The following GAB3 variants were observed in gnomAD, a reference collection of about 807,000 sequenced individuals.
GAB3 encodes the protein GRB2-associated-binding protein 3.
Under a neutral mutation model 40.4 loss-of-function variants are expected in GAB3, and 12 were observed. That is an observed-to-expected ratio of 0.30 (90% CI 0.19 to 0.48). GAB3 has a LOEUF of 0.48. Ranked by LOEUF, GAB3 falls within the 20% of genes least tolerant of loss-of-function variation. GAB3 has a pLI of 0.99. For synonymous variants in GAB3, 154 were observed against 176.7 expected, an observed-to-expected ratio of 0.87 and a Z score of 1.02; for missense variants, 381 against 461.9, an observed-to-expected ratio of 0.82 and a Z score of 1.61.
chrX:154,749,682 T>A (rs1367965714), intron 1 of GAB3, among the ~76,000 whole-genome samples: 12 of 112,347 alleles, frequency 1.1e-4, no homozygotes, highest in Non-Finnish European at 1.7e-4. Flanking sequence ...AACCTTCCTC[T>A]AAAGTTCTGT....
intron 1 of GAB3, 127 bp downstream of exon 1, chrX:154,750,827 C>T (rs139560046): frequency 7.4e-4 from 220 of 299,278 alleles, no homozygotes; most frequent in Non-Finnish European, 9.0e-4. Context: ...GTCGGCCTCG[C>T]CCGCAGTCCC....
intron 2 of GAB3, 148 bp downstream of exon 2, chrX:154,715,878 T>C (rs2071038230): frequency 1.3e-5 from 7 of 556,387 alleles, no homozygotes; most frequent in Admixed American, 3.1e-5. Flanking sequence ...ATTTCCAGTA[T>C]TGTATTTGGT....
At position 154,697,056 on chromosome X, in the gene GAB3, A is replaced by G. The variant is rs782142435; in HGVS notation, c.1427+76T>C. On this transcript the variant is annotated intron_variant, in intron 7 of 9. Coordinates refer to ENST00000424127, the MANE Select transcript of GAB3 (RefSeq NM_001081573.3). ...CTTAAGCTAGATCAGATGGGCTTCA[A>G]CTACATTTAATCAGAGGCCTAACAC... is the stretch of plus-strand genomic sequence containing the variant. 7.0e-6 allele frequency: 6 copies of G among 858,377 alleles called. No individual in the cohort carries two copies. The South Asian group carries it at 8.6e-5, about 12-fold the overall frequency. 70.7% of individuals were successfully genotyped at this position (858,377 alleles called of 1,213,427 possible).
At chrX:154,709,141 T>C (rs111465891) in intron 4 of GAB3, among the ~76,000 whole-genome samples, 39,384 of 109,005 alleles carry the variant, frequency 0.36, 5,310 homozygotes, top group South Asian at 0.57. Context: ...CACCTCCCCC[T>C]TCACTCTCTT....
intron 1 of GAB3, among the ~76,000 whole-genome samples, chrX:154,718,011 C>T (rs1357630488): frequency 2.7e-5 from 3 of 111,215 alleles, no homozygotes; most frequent in African/African-American, 9.8e-5. Context: ...CTCTCCCATG[C>T]GGTAGCATGT....
intron 1 of GAB3, among the ~76,000 whole-genome samples, chrX:154,727,574 C>T (rs1557259509): frequency 8.9e-6 from 1 of 112,341 alleles, no homozygotes; most frequent in East Asian, 2.8e-4. Flanking sequence ...TTCATGATAT[C>T]ATAGACCTAG....
chrX:154,706,759 T>A lies in GAB3; in HGVS notation c.1069+5470A>T, dbSNP rs782202144. ...AAGACCCTGCCTCTAAAAAAAAAAA[T>A]TTTTTTTCAAATTAGTCAAGTGTGG... On this transcript the variant is annotated intron_variant, in intron 4 of 9. Coordinates refer to ENST00000424127, the MANE Select transcript of GAB3 (RefSeq NM_001081573.3). Among the ~76,000 whole-genome samples, 181 of 101,596 alleles carry A rather than the reference T, an allele frequency of 1.8e-3. 1 individual carries two copies. The highest frequency in any genetic ancestry group is 6.3e-3 in the African/African-American group (154 of 24,327). 88.2% of individuals were successfully genotyped at this position (101,596 alleles called of 115,157 possible).
chrX:154,751,284 C>CGG (rs1247944998), upstream of GAB3, among the ~76,000 whole-genome samples: 174 of 51,141 alleles, frequency 3.4e-3, 1 homozygote, highest in Admixed American at 9.8e-3. Flanking sequence ...CGGCTGTGCC[C>CGG]GGGGGGGGGG....
rs1389215299 is a variant in GAB3, at chrX:154,749,177, A to G, written c.72+1777T>C. Reference sequence around the variant, plus strand: ...GCTGCGCAGTGTCCACTCTTGCCACATCCCCTAAAGGAATGAACCGCGTGT... The same window carrying G: ...GCTGCGCAGTGTCCACTCTTGCCACGTCCCCTAAAGGAATGAACCGCGTGT... On this transcript the variant is annotated intron_variant, in intron 1 of 9. Coordinates refer to ENST00000424127, the MANE Select transcript of GAB3 (RefSeq NM_001081573.3). 2.7e-5 allele frequency among the ~76,000 whole-genome samples: 3 copies of G among 111,763 alleles called. No homozygotes were observed. The Admixed American group carries it at 2.8e-4, about 11-fold the overall frequency.
Position 154,712,385 on chromosome X carries a change from A to G in GAB3, c.913T>C (p.Ser305Pro), listed in dbSNP as rs782551918. 4 of 1,209,850 alleles carry G rather than the reference A, an allele frequency of 3.3e-6. No homozygotes were observed. The African/African-American group carries it at 5.3e-5, about 16-fold the overall frequency. The change falls in exon 4 of 10, where the codon TCC becomes CCC. Residue 305 changes from serine to proline, a missense_variant. This residue lies in a region of GAB3 where 364 missense variants were observed against 421.0 expected (regional missense o/e 0.86). Transcript: ENST00000424127. ...PCGAKELDIM[S>P]NTPPPRPPKP... is the part of the protein sequence containing the mutation. Reference sequence around the variant, plus strand: ...GGGGGGCGGGGAGGTGGAGTGTTGGACATAATGTCTAGTTCTTTTGCTCCA... The same window carrying G: ...GGGGGGCGGGGAGGTGGAGTGTTGGGCATAATGTCTAGTTCTTTTGCTCCA...
chrX:154,731,454 C>T (rs781871979), intron 1 of GAB3, among the ~76,000 whole-genome samples: 11 of 111,480 alleles, frequency 9.9e-5, no homozygotes, highest in Non-Finnish European at 1.7e-4. Flanking sequence ...GAGGTACTTG[C>T]AAAACATTAA....
intron 1 of GAB3, among the ~76,000 whole-genome samples, chrX:154,730,263 A>C (rs1049079755): frequency 1.7e-4 from 19 of 112,392 alleles, no homozygotes; most frequent in African/African-American, 6.2e-4. Context: ...CTGACTTTTC[A>C]TTTCCTTTGA....
At chrX:154,737,827 T>C (rs781950786) in intron 1 of GAB3, among the ~76,000 whole-genome samples, 8 of 111,024 alleles carry the variant, frequency 7.2e-5, no homozygotes. Context: ...CCGTCTCTAC[T>C]AAAAATACAA....
intron 1 of GAB3, among the ~76,000 whole-genome samples, chrX:154,725,364 T>TA (rs782381202): frequency 2.9e-4 from 32 of 111,957 alleles, no homozygotes; most frequent in Non-Finnish European, 2.8e-4. Context: ...ACTTGCCTCC[T>TA]ACCCATAAAA....
intron 3 of GAB3, among the ~76,000 whole-genome samples, 174 bp downstream of exon 3, chrX:154,713,033 G>A (rs950820625): frequency 5.4e-5 from 6 of 112,022 alleles, no homozygotes; most frequent in Non-Finnish European, 1.1e-4. Flanking sequence ...CCTTGACATT[G>A]GCAGGAAGAG....
chrX:154,743,291 C>T (rs1362409440), intron 1 of GAB3, among the ~76,000 whole-genome samples: 1 of 110,704 alleles, frequency 9.0e-6, no homozygotes, highest in Admixed American at 9.6e-5. Flanking sequence ...GAGAAATAGA[C>T]TTTCTCAGAC....
chrX:154,688,670 A>G (rs1557248478), intron 8 of GAB3, among the ~76,000 whole-genome samples: 1 of 112,023 alleles, frequency 8.9e-6, no homozygotes, highest in African/African-American at 3.2e-5. Context: ...TGGCAAAAAG[A>G]TTGAACAGAT....
At position 154,699,439 on chromosome X, in the gene GAB3, C is replaced by A. The variant is rs782105225; in HGVS notation, c.1200G>T (p.Gln400His). Residue 400 changes from glutamine (Q) to histidine (H), a missense_variant, in exon 6 of 10, where the codon CAG becomes CAT. Coordinates refer to ENST00000424127, the MANE Select transcript of GAB3 (RefSeq NM_001081573.3). ...IEDSYVPMSP[Q>H]AGASGLGPHC... ...GGGGTCCAAGACCAGAGGCACCAGCCTGGGGGCTCATGGGCACATAGCTGT... is the reference window on the plus strand; with the variant it reads ...GGGGTCCAAGACCAGAGGCACCAGCATGGGGGCTCATGGGCACATAGCTGT... The A allele has an allele frequency of 9.1e-6, 11 of 1,211,716 alleles. No individual in the cohort carries two copies. In the South Asian group the frequency reaches 1.8e-4, roughly 19 times the overall value.
At position 154,712,335 on chromosome X, in the gene GAB3, C is replaced by T. The variant is rs377285249; in HGVS notation, c.963G>A (p.Arg321=). 9.1e-6 allele frequency: 11 copies of T among 1,209,777 alleles called. No individual in the cohort carries two copies. Among genetic ancestry groups the T allele is most frequent in the Non-Finnish European group, 1.2e-5 (11 of 894,908 alleles). ...RPPKPSHLSE[R]RQEEWSTHSG... is the part of the protein sequence containing the mutation. ...TGTGTGTACTCCACTCCTCTTGGCGCCGTTCAGACAGATGGCTTGGCTTAG... is the reference window on the plus strand; with the variant it reads ...TGTGTGTACTCCACTCCTCTTGGCGTCGTTCAGACAGATGGCTTGGCTTAG... Residue 321 remains arginine, a synonymous_variant, in exon 4 of 10, where the codon CGG becomes CGA. Transcript: ENST00000424127.
Sources: allele counts gnomAD v4.1 joint callset (sites outside exome capture counted in the v4.1 genomes callset), GRCh38; gene constraint gnomAD v4.1.1; regional missense constraint gnomAD v4.1.1; transcripts MANE v1.5; gene names NCBI Gene and HGNC (gene_info 2026-07-23, HGNC 2026-07-21).